MAP2: variants seen among roughly 807,000 people sequenced by gnomAD.
MAP2 encodes microtubule associated protein 2, also known as microtubule-associated protein 2.
A neutral mutation model predicts 137.6 loss-of-function variants in MAP2; 14 were observed. That is an observed-to-expected ratio of 0.10 (90% CI 0.07 to 0.16). MAP2 has a LOEUF of 0.16. Ranked by LOEUF, MAP2 falls within the 10% of genes least tolerant of loss-of-function variation. The pLI is 1.00. For synonymous variants in MAP2, 786 were observed against 782.3 expected (o/e 1.00, Z -0.08); for missense variants, 2,088 against 2,191.5 (o/e 0.95, Z 0.94).
intron 2 of MAP2, among the ~76,000 whole-genome samples, chr2:209,564,556 T>TAAAAAAAAA (rs757367849): frequency 3.6e-5 from 2 of 55,994 alleles, no homozygotes; most frequent in African/African-American, 6.2e-5. Context: ...CTCTGTGGAG[T>TAAAAAAAAA]AAAAAAAAAA....
intron 13 of MAP2, among the ~76,000 whole-genome samples, chr2:209,719,187 A>G (rs1047641449): frequency 2.6e-5 from 4 of 152,214 alleles, no homozygotes; most frequent in East Asian, 3.9e-4. Flanking sequence ...CCCCCTTCTC[A>G]AAAGCATTCT....
chr2:209,523,729 C>T (rs1395217884), intron 2 of MAP2, among the ~76,000 whole-genome samples: 2 of 152,156 alleles, frequency 1.3e-5, no homozygotes, highest in African/African-American at 4.8e-5. Context: ...TTATTTTTCT[C>T]TTGCCAGGTG....
At chr2:209,468,890 C>CAT (rs2149687015) in intron 1 of MAP2, among the ~76,000 whole-genome samples, 1 of 152,280 alleles carries the variant, frequency 6.6e-6, no homozygotes, top group South Asian at 2.1e-4. Flanking sequence ...GTTGATGGGA[C>CAT]TGCTCCAGTG....
At chr2:209,528,248 G>C (rs1238027966) in intron 2 of MAP2, among the ~76,000 whole-genome samples, 1 of 152,128 alleles carries the variant, frequency 6.6e-6, no homozygotes, top group Non-Finnish European at 1.5e-5. Context: ...AGAACCTGTT[G>C]TAGGTGAGCC....
chr2:209,462,413 G>A (rs1703043441), intron 1 of MAP2, among the ~76,000 whole-genome samples: 1 of 152,302 alleles, frequency 6.6e-6, no homozygotes, highest in African/African-American at 2.4e-5. Flanking sequence ...TAATGCCATG[G>A]AACTAAAAAT....
intron 2 of MAP2, among the ~76,000 whole-genome samples, chr2:209,509,953 A>T (rs1342605052): frequency 6.6e-6 from 1 of 151,702 alleles, no homozygotes; most frequent in African/African-American, 2.4e-5. Flanking sequence ...CTTGTAATGA[A>T]TAGCATCTTA....
At chr2:209,430,750 A>G (rs9967799) in intron 1 of MAP2, among the ~76,000 whole-genome samples, 28,537 of 152,132 alleles carry the variant, frequency 0.19, 4,345 homozygotes, top group African/African-American at 0.42. Flanking sequence ...CTGCTTTTAC[A>G]TGGAAAATGC....
intron 1 of MAP2, among the ~76,000 whole-genome samples, chr2:209,492,856 A>G (rs561240700): frequency 2.6e-5 from 4 of 152,318 alleles, no homozygotes; most frequent in Admixed American, 2.6e-4. Flanking sequence ...GAAAATGGCC[A>G]TACTGCCCAA....
chr2:209,577,648 C>T (rs888810654), intron 2 of MAP2, among the ~76,000 whole-genome samples: 1 of 152,084 alleles, frequency 6.6e-6, no homozygotes, highest in Non-Finnish European at 1.5e-5. Flanking sequence ...TTTCCAGCTT[C>T]ATTGTTTTTG....
At chr2:209,624,358 G>A (rs545933554) in intron 3 of MAP2, among the ~76,000 whole-genome samples, 1 of 152,274 alleles carries the variant, frequency 6.6e-6, no homozygotes, top group Admixed American at 6.5e-5. Flanking sequence ...TATGTATTGT[G>A]CGTCCTTTGT....
chr2:209,599,166 T>A (rs573681601), intron 3 of MAP2, among the ~76,000 whole-genome samples: 2 of 152,294 alleles, frequency 1.3e-5, no homozygotes, highest in East Asian at 3.9e-4. Flanking sequence ...GATATCTCAT[T>A]GTGGTTTTGA....
chr2:209,689,048 G>A (rs1205243993), intron 7 of MAP2, among the ~76,000 whole-genome samples: 2 of 152,054 alleles, frequency 1.3e-5, no homozygotes, highest in Admixed American at 1.3e-4. Flanking sequence ...TACTAAATGA[G>A]AAAATGAAAA....
intron 2 of MAP2, among the ~76,000 whole-genome samples, chr2:209,518,313 CT>C (rs2062808177): frequency 6.6e-6 from 1 of 151,990 alleles, no homozygotes; most frequent in African/African-American, 2.4e-5. Flanking sequence ...ACAGATATAA[CT>C]TTGTAGAGTG....
At chr2:209,428,979 A>AGT (rs1008704762) in intron 1 of MAP2, among the ~76,000 whole-genome samples, 3 of 149,246 alleles carry the variant, frequency 2.0e-5, no homozygotes, top group Non-Finnish European at 4.5e-5. Flanking sequence ...TTTGAGACGG[A>AGT]GTCTCGCTCT....
chr2:209,679,376 T>C (rs2053511590), intron 6 of MAP2, among the ~76,000 whole-genome samples: 1 of 149,468 alleles, frequency 6.7e-6, no homozygotes, highest in Non-Finnish European at 1.5e-5. Context: ...GGCAGATAGA[T>C]AGATAGAGAG....
chr2:209,595,940 C>T (rs573982332), intron 3 of MAP2, among the ~76,000 whole-genome samples: 15 of 152,204 alleles, frequency 9.9e-5, no homozygotes, highest in African/African-American at 3.6e-4. Context: ...GAACATCACA[C>T]CTCAGGGCCT....
intron 1 of MAP2, among the ~76,000 whole-genome samples, chr2:209,454,454 G>A (rs1193386604): frequency 6.6e-6 from 1 of 151,918 alleles, no homozygotes; most frequent in Non-Finnish European, 1.5e-5. Flanking sequence ...CCCTCCCTCA[G>A]CCTCCCGAGT....
chr2:209,641,093 G>T (rs928977297), intron 4 of MAP2, among the ~76,000 whole-genome samples: 1 of 151,990 alleles, frequency 6.6e-6, no homozygotes, highest in African/African-American at 2.4e-5. Context: ...GTTAATCCCA[G>T]CCAGTGGCTT....
Position 209,489,721 on chromosome 2 carries a change from A to G in MAP2, c.-221-17871A>G, listed in dbSNP as rs561302948. Among the ~76,000 whole-genome samples the G allele has an allele frequency of 3.9e-5, 6 of 152,354 alleles. No individual in the cohort carries two copies. In the South Asian group the frequency reaches 1.0e-3, roughly 26 times the overall value. The stretch of plus-strand genomic sequence containing the variant: ...ATTGAAGATCAATTTAATGAAATAA[A>G]GCGTGAAGACAAGATTAGAGAAAAA... On this transcript the variant is annotated intron_variant, in intron 1 of 15. Transcript: ENST00000682079.
Sources: gnomAD v4.1 joint callset for allele counts (sites outside exome capture counted in the v4.1 genomes callset) on GRCh38, gnomAD v4.1.1 for gene constraint, MANE v1.5 for transcripts, NCBI Gene and HGNC (gene_info 2026-07-23, HGNC 2026-07-21) for gene names.